KCNT2: variants seen among roughly 807,000 people sequenced by gnomAD.
KCNT2 encodes potassium sodium-activated channel subfamily T member 2.
Under a neutral mutation model 153.8 loss-of-function variants are expected in KCNT2, and 67 were observed. That is an observed-to-expected ratio of 0.44 (90% CI 0.36 to 0.53). KCNT2 has a LOEUF of 0.53. KCNT2 is among the 20% of genes least tolerant of loss of function. KCNT2 has a pLI of 0.00. For synonymous variants in KCNT2, 500 were observed against 458.8 expected, an observed-to-expected ratio of 1.09 and a Z score of -1.15; for missense variants, 975 against 1,354.8, an observed-to-expected ratio of 0.72 and a Z score of 4.40.
At position 196,590,490 on chromosome 1, in the gene KCNT2, C is replaced by T. The variant is rs118140357; in HGVS notation, c.95+17725G>A. 1.6e-3 allele frequency among the ~76,000 whole-genome samples: 237 copies of T among 152,174 alleles called. 4 individuals carry two copies. The East Asian group carries it at 0.042, about 27-fold the overall frequency. ...GGGTTTCAGGTGACAGCCCCAAGCC[C>T]GCACTCCTCCTCCAGAGCCTTGCTT... On this transcript the variant is annotated intron_variant, in intron 1 of 27. Transcript: ENST00000294725.
chr1:196,437,953 A>G (rs1674872561), intron 8 of KCNT2, among the ~76,000 whole-genome samples: 1 of 151,504 alleles, frequency 6.6e-6, no homozygotes, highest in African/African-American at 2.4e-5. Context: ...ACCTCACTTT[A>G]CTATTACTAA....
chr1:196,563,995 T>A (rs1346344182), intron 1 of KCNT2, among the ~76,000 whole-genome samples: 1 of 151,924 alleles, frequency 6.6e-6, no homozygotes, highest in African/African-American at 2.4e-5. Flanking sequence ...CATAGTACTG[T>A]AAGTTCTAGC....
At chr1:196,334,188 C>A in intron 16 of KCNT2, 128 bp from the exon 17 acceptor site, 1 of 606,918 alleles carries the variant, frequency 1.6e-6, no homozygotes, top group South Asian at 2.2e-5. Context: ...TATATTTATG[C>A]GTGTGGTGTA....
chr1:196,438,400 A>C (rs900208096), intron 8 of KCNT2, among the ~76,000 whole-genome samples: 3 of 151,878 alleles, frequency 2.0e-5, no homozygotes, highest in Admixed American at 6.6e-5. Context: ...CCAGGGATTA[A>C]TGAGTAGCTA....
At chr1:196,368,111 C>T (rs1352308581) in intron 14 of KCNT2, among the ~76,000 whole-genome samples, 5 of 152,090 alleles carry the variant, frequency 3.3e-5, no homozygotes, top group Non-Finnish European at 7.4e-5. Flanking sequence ...AAACACCACC[C>T]CTACTTTCAG....
intron 1 of KCNT2, among the ~76,000 whole-genome samples, chr1:196,562,829 A>G (rs4657824): frequency 1 from 151,614 of 151,986 alleles, 75,622 homozygotes; most frequent in Middle Eastern, 1. Flanking sequence ...AAATACCTGA[A>G]TACCCAATAA....
chr1:196,406,742 G>C (rs532341045), intron 12 of KCNT2, among the ~76,000 whole-genome samples: 1 of 151,506 alleles, frequency 6.6e-6, no homozygotes, highest in East Asian at 2.0e-4. Context: ...CATTACCTTG[G>C]GTTCTAGTTT....
chr1:196,443,870 T>C (rs944312440), intron 8 of KCNT2, among the ~76,000 whole-genome samples: 2 of 151,580 alleles, frequency 1.3e-5, no homozygotes, highest in Non-Finnish European at 3.0e-5. Flanking sequence ...CTTCACAAGC[T>C]GATTAGCCAT....
rs192376157 is a variant in KCNT2 at position 196,576,813 on chromosome 1, A to G, written c.95+31402T>C. Among the ~76,000 whole-genome samples the G allele has an allele frequency of 3.3e-5, 5 of 152,258 alleles. No individual in the cohort carries two copies. In the East Asian group the frequency reaches 9.7e-4, roughly 29 times the overall value. On this transcript the variant is annotated intron_variant, in intron 1 of 27. Coordinates refer to ENST00000294725, the MANE Select transcript of KCNT2 (RefSeq NM_198503.5). ...CATTTTTAAAGACCACTAAATGTGC[A>G]TTCATAGAACAATCAATCCAATCAG...
At chr1:196,567,123 T>C (rs1660205857) in intron 1 of KCNT2, among the ~76,000 whole-genome samples, 1 of 152,180 alleles carries the variant, frequency 6.6e-6, no homozygotes, top group Non-Finnish European at 1.5e-5. Context: ...AAATTAAATA[T>C]GAATTCCTTA....
intron 1 of KCNT2, among the ~76,000 whole-genome samples, chr1:196,526,706 C>T (rs1050264460): frequency 2.6e-5 from 4 of 152,172 alleles, no homozygotes; most frequent in African/African-American, 9.7e-5. Flanking sequence ...CCACCTCGGC[C>T]TCCTAAAGTG....
intron 13 of KCNT2, 29 bp from the exon 14 acceptor site, chr1:196,373,277 A>G: frequency 1.1e-6 from 1 of 926,154 alleles, no homozygotes; most frequent in Non-Finnish European, 1.8e-6. Context: ...GTAAATTAGA[A>G]TAATTTACCT....
chr1:196,380,907 C>T (rs111509899), intron 13 of KCNT2, among the ~76,000 whole-genome samples: 4 of 152,048 alleles, frequency 2.6e-5, no homozygotes, highest in East Asian at 1.9e-4. Context: ...TGCATGCGTG[C>T]GCGTGCATAT....
intron 1 of KCNT2, among the ~76,000 whole-genome samples, chr1:196,577,195 C>A (rs1308974824): frequency 2.0e-5 from 3 of 152,032 alleles, no homozygotes; most frequent in Admixed American, 2.0e-4. Context: ...AGATTTACTA[C>A]CCCATCCTAC....
chr1:196,593,229 C>T (rs1431062191), intron 1 of KCNT2, among the ~76,000 whole-genome samples: 1 of 149,228 alleles, frequency 6.7e-6, no homozygotes, highest in Non-Finnish European at 1.5e-5. Context: ...CTAATTCCAT[C>T]CAGGTTGCTG....
At position 196,398,606 on chromosome 1, in the gene KCNT2, G is replaced by A. The variant is rs1671151526; in HGVS notation, c.1251C>T (p.Val417=). ...ATTTATTTTCAGGCTTTAATATCTG[G>A]ACATACAAAGGACAATTTGGAGCAA... ...KDFAPNCPLY[V]QILKPENKFH... The change falls in exon 13 of 28, where the codon GTC becomes GTT. Residue 417 remains valine, a synonymous_variant. Transcript: ENST00000294725. 6.2e-7 allele frequency: 1 copy of A among 1,607,936 alleles called. No homozygotes were observed. Among genetic ancestry groups the A allele is most frequent in the African/African-American group, 1.3e-5 (1 of 74,674 alleles).
chr1:196,260,764 T>A (rs1656938288), intron 25 of KCNT2, among the ~76,000 whole-genome samples: 1 of 151,878 alleles, frequency 6.6e-6, no homozygotes, highest in Non-Finnish European at 1.5e-5. Flanking sequence ...AAATTTGAGT[T>A]CTGTTTTGAA....
At chr1:196,422,309 A>G (rs1304552893) in intron 12 of KCNT2, among the ~76,000 whole-genome samples, 1 of 151,966 alleles carries the variant, frequency 6.6e-6, no homozygotes, top group Admixed American at 6.6e-5. Context: ...GCCTTTTCCC[A>G]TTCTCTATAG....
intron 1 of KCNT2, among the ~76,000 whole-genome samples, chr1:196,570,609 A>T (rs1485192625): frequency 6.6e-6 from 1 of 152,088 alleles, no homozygotes; most frequent in Non-Finnish European, 1.5e-5. Flanking sequence ...CATGTTATAA[A>T]CTGGCAGATG....
Sources: gnomAD v4.1 joint callset for allele counts (sites outside exome capture counted in the v4.1 genomes callset) on GRCh38, gnomAD v4.1.1 for gene constraint, MANE v1.5 for transcripts, NCBI Gene and HGNC (gene_info 2026-07-23, HGNC 2026-07-21) for gene names.